The following GRID2 variants were observed in gnomAD, a reference collection of about 807,000 sequenced individuals.
GRID2 encodes the protein glutamate ionotropic receptor delta type subunit 2, also known as glutamate receptor ionotropic, delta-2.
A neutral mutation model predicts 114.8 loss-of-function variants in GRID2; 33 were observed. The observed-to-expected ratio is 0.29, with a 90% CI of 0.22 to 0.38. The LOEUF (loss-of-function observed/expected upper bound fraction) is 0.38. Ranked by LOEUF, GRID2 falls within the 10% of genes least tolerant of loss-of-function variation. The pLI, the probability that GRID2 is intolerant of heterozygous loss-of-function variation, is 1.00. For missense variants in GRID2, 1,184 were observed against 1,257.7 expected (o/e 0.94, Z 0.89); for synonymous variants, 505 against 449.9 (o/e 1.12, Z -1.55).
chr4:92,856,767 T>A (rs1744209828), intron 2 of GRID2, among the ~76,000 whole-genome samples: 2 of 152,198 alleles, frequency 1.3e-5, no homozygotes, highest in African/African-American at 4.8e-5. Context: ...TGGTTTTATG[T>A]ACGGACATTG....
intron 1 of GRID2, among the ~76,000 whole-genome samples, chr4:92,309,669 T>C (rs968059782): frequency 6.6e-6 from 1 of 151,950 alleles, no homozygotes; most frequent in African/African-American, 2.4e-5. Flanking sequence ...CTGTCTCTTA[T>C]TCTTGTAAGA....
At chr4:92,569,078 G>A (rs1727485973) in intron 1 of GRID2, among the ~76,000 whole-genome samples, 1 of 151,856 alleles carries the variant, frequency 6.6e-6, no homozygotes, top group African/African-American at 2.4e-5. Flanking sequence ...TCACCCAGGT[G>A]TTAAGCCAAC....
chr4:92,565,540 GCTAT>G (rs908640766), intron 1 of GRID2, among the ~76,000 whole-genome samples: 9 of 151,786 alleles, frequency 5.9e-5, no homozygotes, highest in Admixed American at 2.0e-4. Context: ...CTATTATACT[GCTAT>G]CTATCTATCT....
At chr4:93,542,561 A>G (rs1400247799) in intron 13 of GRID2, among the ~76,000 whole-genome samples, 1 of 152,182 alleles carries the variant, frequency 6.6e-6, no homozygotes, top group African/African-American at 2.4e-5. Context: ...AGAAAAGAGC[A>G]GAGGATGGGT....
At chr4:93,237,553 C>T (rs1379373608) in intron 7 of GRID2, among the ~76,000 whole-genome samples, 1 of 151,810 alleles carries the variant, frequency 6.6e-6, no homozygotes, top group African/African-American at 2.4e-5. Flanking sequence ...AAATAAATGT[C>T]ATTACCAGGC....
chr4:92,897,238 T>TG (rs1747235469), intron 2 of GRID2, among the ~76,000 whole-genome samples: 1 of 80,308 alleles, frequency 1.2e-5, no homozygotes, highest in East Asian at 3.2e-4. Context: ...CTGCCTTCTC[T>TG]GTTTTCCCCA....
intron 12 of GRID2, among the ~76,000 whole-genome samples, chr4:93,495,365 T>A (rs1268617979): frequency 6.6e-6 from 1 of 151,790 alleles, no homozygotes; most frequent in Non-Finnish European, 1.5e-5. Flanking sequence ...AAATAATTAT[T>A]GAGCAATTTT....
At chr4:93,037,791 T>C (rs533253583) in intron 2 of GRID2, among the ~76,000 whole-genome samples, 2 of 152,292 alleles carry the variant, frequency 1.3e-5, no homozygotes, top group Admixed American at 6.5e-5. Flanking sequence ...TCTGTTCTAT[T>C]GGTCTATATC....
At chr4:93,541,832 T>C (rs1315509060) in intron 13 of GRID2, among the ~76,000 whole-genome samples, 1 of 152,196 alleles carries the variant, frequency 6.6e-6, no homozygotes, top group Non-Finnish European at 1.5e-5. Flanking sequence ...AATCAGCAAG[T>C]AATGATTAAT....
intron 14 of GRID2, among the ~76,000 whole-genome samples, chr4:93,743,852 TG>T (rs1731616422): frequency 6.6e-6 from 1 of 152,218 alleles, no homozygotes; most frequent in South Asian, 2.1e-4. Context: ...AGGAAGATGC[TG>T]TCTATCACTT....
chr4:92,840,867 T>C (rs1326477407), intron 2 of GRID2, among the ~76,000 whole-genome samples: 1 of 152,068 alleles, frequency 6.6e-6, no homozygotes, highest in African/African-American at 2.4e-5. Flanking sequence ...AAATGTAGTA[T>C]TTTTGTTTCT....
intron 2 of GRID2, among the ~76,000 whole-genome samples, chr4:93,033,970 G>A (rs903948606): frequency 6.6e-6 from 1 of 152,114 alleles, no homozygotes; most frequent in Non-Finnish European, 1.5e-5. Flanking sequence ...TGATTAGTAG[G>A]TAATCACAAT....
At position 92,453,064 on chromosome 4, in the gene GRID2, G is replaced by A. The variant is rs116268662; in HGVS notation, c.89-137067G>A. ...CATTTGTGTGGGTGTGTGTGTGGGG[G>A]TGTATACATGCATTAAATCATGTCC... On this transcript the variant is annotated intron_variant, in intron 1 of 15. Coordinates refer to ENST00000282020, the MANE Select transcript of GRID2 (RefSeq NM_001510.4). Among the ~76,000 whole-genome samples, 1,101 of 151,866 alleles carry A rather than the reference G, an allele frequency of 7.2e-3. 11 individuals are homozygous for A. The highest frequency in any genetic ancestry group is 0.025 in the African/African-American group (1,016 of 41,378).
intron 2 of GRID2, among the ~76,000 whole-genome samples, chr4:92,843,057 A>G (rs1327819966): frequency 6.6e-6 from 1 of 152,016 alleles, no homozygotes; most frequent in African/African-American, 2.4e-5. Flanking sequence ...TAGGCAATAT[A>G]ATAAGACCCC....
At chr4:93,613,228 A>C (rs905615718) in intron 13 of GRID2, among the ~76,000 whole-genome samples, 2 of 143,718 alleles carry the variant, frequency 1.4e-5, no homozygotes, top group African/African-American at 5.1e-5. Context: ...TTTTTTTCAA[A>C]GTTTTCAACT....
chr4:93,536,996 G>A (rs981315847), intron 13 of GRID2, among the ~76,000 whole-genome samples: 3 of 151,068 alleles, frequency 2.0e-5, no homozygotes, highest in African/African-American at 7.3e-5. Flanking sequence ...TTTTTAATTA[G>A]ACTTCTTTGC....
intron 4 of GRID2, among the ~76,000 whole-genome samples, chr4:93,185,835 T>G (rs560860927): frequency 2.8e-4 from 42 of 152,274 alleles, no homozygotes; most frequent in Admixed American, 5.2e-4. Context: ...CCGTGTTGGT[T>G]TGCTGCACCC....
intron 2 of GRID2, among the ~76,000 whole-genome samples, chr4:92,771,743 G>T (rs1738556260): frequency 6.6e-6 from 1 of 152,180 alleles, no homozygotes; most frequent in African/African-American, 2.4e-5. Context: ...TGATGAAACA[G>T]ATTCCAGATT....
intron 14 of GRID2, among the ~76,000 whole-genome samples, chr4:93,747,349 A>G (rs568913800): frequency 6.6e-6 from 1 of 152,240 alleles, no homozygotes; most frequent in South Asian, 2.1e-4. Flanking sequence ...AATAGACTCT[A>G]CAGATAACTC....
Sources: allele counts gnomAD v4.1 joint callset (sites outside exome capture counted in the v4.1 genomes callset), GRCh38; gene constraint gnomAD v4.1.1; transcripts MANE v1.5; gene names NCBI Gene and HGNC (gene_info 2026-07-23, HGNC 2026-07-21).